The following NXNL2 variants were observed in gnomAD, a reference collection of about 807,000 sequenced individuals.
The protein encoded by NXNL2 is nucleoredoxin-like protein 2.
A neutral mutation model predicts 11.1 loss-of-function variants in NXNL2; 7 were observed. That is an observed-to-expected ratio of 0.63 (90% CI 0.36 to 1.18). The LOEUF (loss-of-function observed/expected upper bound fraction) is 1.18. Ranked by LOEUF, NXNL2 falls within the 50% of genes most tolerant of loss-of-function variation. NXNL2 has a pLI of 0.02. For missense variants in NXNL2, 233 were observed against 217.7 expected, an observed-to-expected ratio of 1.07 and a Z score of -0.44; for synonymous variants, 109 against 101.8, an observed-to-expected ratio of 1.07 and a Z score of -0.42.
chr9:88,540,994 G>A (rs560511112), intron 1 of NXNL2, among the ~76,000 whole-genome samples: 45 of 133,820 alleles, frequency 3.4e-4, no homozygotes, highest in Non-Finnish European at 5.5e-4. Context: ...CATCCAGGCT[G>A]GAGTGCAGTG....
downstream of NXNL2, among the ~76,000 whole-genome samples, chr9:88,548,104 C>T (rs144994880): frequency 2.5e-3 from 374 of 150,696 alleles, 4 homozygotes; most frequent in African/African-American, 8.8e-3. Context: ...TTTGGGAGGC[C>T]GAGGTGGGTG....
chr9:88,554,450 C>T (rs1026497484), intron 1 of NXNL2, among the ~76,000 whole-genome samples: 3 of 152,100 alleles, frequency 2.0e-5, no homozygotes, highest in Non-Finnish European at 2.9e-5. Context: ...AGTGATCTGC[C>T]CACCTTGGCC....
chr9:88,557,127 A>G (rs954001478), intron 1 of NXNL2, among the ~76,000 whole-genome samples: 23 of 151,770 alleles, frequency 1.5e-4, no homozygotes, highest in African/African-American at 5.1e-4. Context: ...AATTCTGTTA[A>G]GCTTCCCTAA....
At chr9:88,576,261 G>T (rs969668967), downstream of NXNL2, among the ~76,000 whole-genome samples, 1 of 152,112 alleles carries the variant, frequency 6.6e-6, no homozygotes, top group Non-Finnish European at 1.5e-5. Flanking sequence ...AACCCAATGC[G>T]CCTGACTCTC....
chr9:88,559,401 C>T (rs999025881), intron 1 of NXNL2, among the ~76,000 whole-genome samples: 18 of 152,196 alleles, frequency 1.2e-4, no homozygotes, highest in African/African-American at 3.4e-4. Flanking sequence ...GAGCTTGTCC[C>T]CTGAGACTCA....
At chr9:88,553,840 C>T (rs1475470991) in intron 1 of NXNL2, among the ~76,000 whole-genome samples, 1 of 152,040 alleles carries the variant, frequency 6.6e-6, no homozygotes, top group African/African-American at 2.4e-5. Flanking sequence ...CTTTTCATTC[C>T]TATGTTCTTT....
At chr9:88,542,286 A>T (rs111683359) in intron 1 of NXNL2, among the ~76,000 whole-genome samples, 9,998 of 151,256 alleles carry the variant, frequency 0.066, 1,168 homozygotes, top group African/African-American at 0.23. Context: ...AAAAATATAT[A>T]TTTTTTTATT....
chr9:88,551,900 A>G (rs1171906632), intron 1 of NXNL2, among the ~76,000 whole-genome samples: 2 of 152,212 alleles, frequency 1.3e-5, no homozygotes, highest in Non-Finnish European at 2.9e-5. Context: ...CCCTGATTTC[A>G]TTTTGGCACT....
At chr9:88,576,139 G>A (rs1394989492), downstream of NXNL2, among the ~76,000 whole-genome samples, 1 of 152,254 alleles carries the variant, frequency 6.6e-6, no homozygotes, top group Non-Finnish European at 1.5e-5. Context: ...AGGTTACAGT[G>A]AGCCGAGATT....
intron 1 of NXNL2, among the ~76,000 whole-genome samples, chr9:88,561,921 G>A (rs145495532): frequency 1.2e-4 from 19 of 152,268 alleles, no homozygotes; most frequent in East Asian, 3.9e-4. Context: ...TCCTAAAGCC[G>A]AAAAATTGCA....
chr9:88,556,183 C>T (rs1830008763), intron 1 of NXNL2, among the ~76,000 whole-genome samples: 1 of 152,192 alleles, frequency 6.6e-6, no homozygotes, highest in Admixed American at 6.5e-5. Flanking sequence ...GGGAGTGCAT[C>T]ACCGCCTGCA....
At chr9:88,565,281 T>C (rs1298816067) in intron 1 of NXNL2, among the ~76,000 whole-genome samples, 1 of 152,266 alleles carries the variant, frequency 6.6e-6, no homozygotes, top group African/African-American at 2.4e-5. Context: ...GATGGTTATG[T>C]TTCCATCTTG....
chr9:88,543,648 A>G (rs975334817), intron 1 of NXNL2, among the ~76,000 whole-genome samples: 3 of 152,158 alleles, frequency 2.0e-5, no homozygotes, highest in African/African-American at 7.2e-5. Flanking sequence ...TACTGGGTTT[A>G]TTTGTGGGTT....
chr9:88,577,650 G>GA, downstream of NXNL2, among the ~76,000 whole-genome samples: 1 of 131,314 alleles, frequency 7.6e-6, no homozygotes, highest in African/African-American at 2.9e-5. Flanking sequence ...AGAGAGAAGA[G>GA]AGCGAGCGAG....
In NXNL2 at chr9:88,535,713, GC is replaced by G; in HGVS notation, c.282del (p.Phe95SerfsTer9). 1 of 1,588,032 alleles carries G rather than the reference GC, an allele frequency of 6.3e-7. No homozygotes were observed. Among genetic ancestry groups the G allele is most frequent in the Non-Finnish European group, 8.5e-7 (1 of 1,171,982 alleles). On this transcript the variant is annotated frameshift_variant, in exon 1 of 2. Transcript: ENST00000375854. LOFTEE classifies it high-confidence loss of function. ...AGCTGCATGGCGCCTGGCTGGCGCT[GC>G]CCTTCCACGACCCCTACCGGCAGTG... ...RELHGAWLAL[P>X]FHDPYRHELR...
intron 1 of NXNL2, among the ~76,000 whole-genome samples, chr9:88,581,341 A>G (rs552394658): frequency 7.2e-5 from 11 of 152,342 alleles, no homozygotes; most frequent in Non-Finnish European, 8.8e-5. Flanking sequence ...ATGACCTCCA[A>G]CACCCAGTGT....
At chr9:88,550,492 A>G (rs1829915557) in intron 1 of NXNL2, among the ~76,000 whole-genome samples, 1 of 152,250 alleles carries the variant, frequency 6.6e-6, no homozygotes, top group Non-Finnish European at 1.5e-5. Context: ...GGCGGGAGGC[A>G]GAGGTTACAT....
intron 1 of NXNL2, among the ~76,000 whole-genome samples, chr9:88,552,966 T>C (rs1463333730): frequency 6.6e-6 from 1 of 152,156 alleles, no homozygotes; most frequent in Admixed American, 6.5e-5. Context: ...AGGATGATTT[T>C]AAACTAGGGG....
chr9:88,549,602 C>G (rs1245864186), downstream of NXNL2, among the ~76,000 whole-genome samples: 1 of 152,190 alleles, frequency 6.6e-6, no homozygotes, highest in Non-Finnish European at 1.5e-5. Context: ...TCCAACTACA[C>G]TGTGACTCCT....
Sources: allele counts gnomAD v4.1 joint callset (sites outside exome capture counted in the v4.1 genomes callset), GRCh38; gene constraint gnomAD v4.1.1; transcripts MANE v1.5; gene names NCBI Gene and HGNC (gene_info 2026-07-23, HGNC 2026-07-21).